Variants in CACNA2D3 observed in about 807,000 individuals in gnomAD.
CACNA2D3 encodes the protein calcium voltage-gated channel auxiliary subunit alpha2delta 3.
In CACNA2D3, 60 loss-of-function variants were observed where a neutral mutation model predicts 160.6. The observed-to-expected ratio is 0.37, with a 90% CI of 0.30 to 0.46. The LOEUF (loss-of-function observed/expected upper bound fraction) is 0.46. CACNA2D3 is among the 20% of genes least tolerant of loss of function. The pLI, the probability that CACNA2D3 is intolerant of heterozygous loss-of-function variation, is 1.00. For synonymous variants in CACNA2D3, 558 were observed against 492.9 expected, an observed-to-expected ratio of 1.13 and a Z score of -1.75; for missense variants, 1,205 against 1,365.0, an observed-to-expected ratio of 0.88 and a Z score of 1.85.
At chr3:54,560,861 G>C (rs1227970274) in intron 5 of CACNA2D3, among the ~76,000 whole-genome samples, 1 of 152,104 alleles carries the variant, frequency 6.6e-6, no homozygotes, top group East Asian at 1.9e-4. Flanking sequence ...GTTTTTGTCA[G>C]GTTTGTCAAA....
chr3:54,976,810 G>A (rs1194824751), intron 29 of CACNA2D3, among the ~76,000 whole-genome samples: 1 of 152,180 alleles, frequency 6.6e-6, no homozygotes, highest in African/African-American at 2.4e-5. Flanking sequence ...CACACCAGAA[G>A]TGGGAGTGGG....
At chr3:54,619,107 G>A (rs992586069) in intron 9 of CACNA2D3, among the ~76,000 whole-genome samples, 4 of 152,222 alleles carry the variant, frequency 2.6e-5, no homozygotes, top group African/African-American at 7.2e-5. Context: ...CAACACAGGC[G>A]TCCTGTCCAT....
At chr3:54,350,986 G>GTTTTTTTTTTTTT (rs796392854) in intron 3 of CACNA2D3, among the ~76,000 whole-genome samples, 20 of 65,950 alleles carry the variant, frequency 3.0e-4, no homozygotes, top group South Asian at 5.1e-4. Flanking sequence ...TTTTTTGTTT[G>GTTTTTTTTTTTTT]TTTTTTTTTT....
intron 11 of CACNA2D3, among the ~76,000 whole-genome samples, chr3:54,662,823 C>G (rs1233527674): frequency 6.6e-6 from 1 of 152,140 alleles, no homozygotes; most frequent in Non-Finnish European, 1.5e-5. Flanking sequence ...TAGGAGTAAC[C>G]AGGAGTTAGA....
intron 4 of CACNA2D3, among the ~76,000 whole-genome samples, chr3:54,399,953 T>C (rs1435950217): frequency 5.1e-5 from 6 of 117,466 alleles, no homozygotes; most frequent in African/African-American, 2.0e-4. Flanking sequence ...ATCAGCGAGA[T>C]TCCGTGGGCG....
intron 8 of CACNA2D3, among the ~76,000 whole-genome samples, chr3:54,571,809 G>A (rs926852761): frequency 6.6e-6 from 1 of 152,146 alleles, no homozygotes; most frequent in Non-Finnish European, 1.5e-5. Flanking sequence ...CACCACATAT[G>A]CTGTGTGTCT....
At chr3:54,699,398 A>G (rs1700724346) in intron 11 of CACNA2D3, among the ~76,000 whole-genome samples, 1 of 152,122 alleles carries the variant, frequency 6.6e-6, no homozygotes, top group East Asian at 1.9e-4. Context: ...CATGCTTGTC[A>G]TGATTAAGCA....
At chr3:54,123,718 G>T in intron 2 of CACNA2D3, 124 bp downstream of exon 2, 1 of 796,870 alleles carries the variant, frequency 1.3e-6, no homozygotes, top group East Asian at 2.5e-5. Context: ...TCTGATCCCC[G>T]GGTTTCTTGG....
At chr3:54,345,235 C>T (rs577873786) in intron 3 of CACNA2D3, among the ~76,000 whole-genome samples, 9 of 152,292 alleles carry the variant, frequency 5.9e-5, no homozygotes, top group South Asian at 4.1e-4. Flanking sequence ...CTTTTTTGAG[C>T]GAGATCCAAG....
intron 29 of CACNA2D3, among the ~76,000 whole-genome samples, chr3:54,983,390 C>T (rs547754801): frequency 5.3e-5 from 8 of 152,326 alleles, no homozygotes; most frequent in East Asian, 3.9e-4. Context: ...AGATTGCTTC[C>T]ATGATGCTAT....
intron 5 of CACNA2D3, among the ~76,000 whole-genome samples, chr3:54,532,427 A>C (rs1701819683): frequency 6.6e-6 from 1 of 152,220 alleles, no homozygotes; most frequent in Non-Finnish European, 1.5e-5. Context: ...AATAGTGTAC[A>C]TTATACCCAA....
In CACNA2D3 at chr3:54,175,633, A is replaced by AC. The variant is rs1347852451; in HGVS notation, c.204+52039_204+52040insC. ...TGTCTCAAAAAAAAAAAAAAAAAAA[A>AC]AGCAGATTAATTGGAGAAAGTGCAT... On this transcript the variant is annotated intron_variant, in intron 2 of 37. Coordinates refer to ENST00000474759, the MANE Select transcript of CACNA2D3 (RefSeq NM_018398.3). 6.7e-5 allele frequency among the ~76,000 whole-genome samples: 10 copies of AC among 148,706 alleles called. 1 individual carries two copies. Among genetic ancestry groups the AC allele is most frequent in the East Asian group, 2.0e-4 (1 of 4,944 alleles).
Position 54,320,492 on chromosome 3 carries a change from C to A in CACNA2D3, c.255C>A (p.Leu85=), listed in dbSNP as rs1344675439. 1 of 1,569,424 alleles carries A rather than the reference C, an allele frequency of 6.4e-7. No homozygotes were observed. Among genetic ancestry groups the A allele is most frequent in the African/African-American group, 1.4e-5 (1 of 73,918 alleles). Residue 85 remains leucine, a synonymous_variant, in exon 3 of 38, where the codon CTC becomes CTA. Coordinates refer to ENST00000474759, the MANE Select transcript of CACNA2D3 (RefSeq NM_018398.3). ...TTGCCATAGAAGAAATTGATGGCCT[C>A]CAACTGGTAAAGAAGCTGGCAAAGA... ...KDVAIEEIDG[L]QLVKKLAKNM...
intron 2 of CACNA2D3, among the ~76,000 whole-genome samples, chr3:54,173,766 G>C (rs1474730946): frequency 2.6e-5 from 4 of 152,182 alleles, no homozygotes. Flanking sequence ...AGGAAGCTCA[G>C]GCTTTGAGTC....
At chr3:54,490,331 CGCA>C (rs10576557) in intron 4 of CACNA2D3, among the ~76,000 whole-genome samples, 150,250 of 152,138 alleles carry the variant, frequency 0.99, 74,202 homozygotes, top group Middle Eastern at 1. Flanking sequence ...TCCATCCCTG[CGCA>C]GCAGCAGGCT....
At chr3:54,836,359 C>G (rs543818894) in intron 14 of CACNA2D3, among the ~76,000 whole-genome samples, 6 of 151,806 alleles carry the variant, frequency 4.0e-5, no homozygotes, top group South Asian at 2.1e-4. Context: ...CTCAGCCTCC[C>G]GAGTAGCTGG....
chr3:54,604,853 C>T (rs544311091), intron 9 of CACNA2D3, among the ~76,000 whole-genome samples: 1 of 152,184 alleles, frequency 6.6e-6, no homozygotes, highest in Non-Finnish European at 1.5e-5. Flanking sequence ...CTTCTGTAGT[C>T]AACATCTCAT....
chr3:54,760,383 G>A (rs1297472721), intron 12 of CACNA2D3, among the ~76,000 whole-genome samples: 1 of 152,124 alleles, frequency 6.6e-6, no homozygotes, highest in Non-Finnish European at 1.5e-5. Context: ...AAGAAGGCCA[G>A]CAAGCCTGAA....
At chr3:55,019,079 T>TTTTCTTTCTTTCTTTCTTTC (rs113970383) in intron 35 of CACNA2D3, among the ~76,000 whole-genome samples, 3,390 of 146,730 alleles carry the variant, frequency 0.023, 163 homozygotes, top group African/African-American at 0.082. Flanking sequence ...TGCATAGAAA[T>TTTTCTTTCTTTCTTTCTTTC]TTTCTTTCTT....
Sources: gnomAD v4.1 joint callset for allele counts (sites outside exome capture counted in the v4.1 genomes callset) on GRCh38, gnomAD v4.1.1 for gene constraint, MANE v1.5 for transcripts, NCBI Gene and HGNC (gene_info 2026-07-23, HGNC 2026-07-21) for gene names.